Variants in VAV2 observed in about 807,000 individuals in gnomAD.
VAV2 encodes the protein vav guanine nucleotide exchange factor 2, also known as guanine nucleotide exchange factor VAV2.
Under a neutral mutation model 132.5 loss-of-function variants are expected in VAV2, and 67 were observed. The ratio of observed to expected loss-of-function variants is 0.51; its 90% CI spans 0.42 to 0.62. The LOEUF (loss-of-function observed/expected upper bound fraction) is 0.62, where lower values mean the gene tolerates loss of function less well. VAV2 is among the 20% of genes least tolerant of loss of function. The pLI is 0.00. For synonymous variants in VAV2, 492 were observed against 443.5 expected, an observed-to-expected ratio of 1.11 and a Z score of -1.37; for missense variants, 938 against 1,153.6, an observed-to-expected ratio of 0.81 and a Z score of 2.71.
At chr9:133,979,465 G>A (rs926877313) in intron 1 of VAV2, among the ~76,000 whole-genome samples, 14 of 152,190 alleles carry the variant, frequency 9.2e-5, no homozygotes, top group Non-Finnish European at 2.1e-4. Context: ...GGCTGCATGA[G>A]GACGGCTCGG....
At chr9:133,896,397 T>C (rs1839206047) in intron 2 of VAV2, among the ~76,000 whole-genome samples, 1 of 152,058 alleles carries the variant, frequency 6.6e-6, no homozygotes, top group African/African-American at 2.4e-5. Flanking sequence ...GAGGTTGCAA[T>C]GAGCCAAGAT....
chr9:133,886,015 C>G (rs1270017492), intron 2 of VAV2, among the ~76,000 whole-genome samples: 1 of 152,236 alleles, frequency 6.6e-6, no homozygotes, highest in African/African-American at 2.4e-5. Context: ...GGAGACTGGT[C>G]TGGTCCCATC....
rs955471061 is a variant in VAV2 at position 133,834,142 on chromosome 9, C to G, written c.449+130G>C. On this transcript the variant is annotated intron_variant, in intron 4 of 29. Coordinates refer to ENST00000371850, the MANE Select transcript of VAV2 (RefSeq NM_001134398.2). This position sits in a 1 kb window ranked among gnomAD's most constrained non-coding sequence, Gnocchi z 5.9. ...CATGACCCATCATGAGGAGATGCCC[C>G]GGTGGGAAGGGCCAGGGCCAGCTCT... is the stretch of plus-strand genomic sequence containing the variant. 2 of 1,026,508 alleles carry G rather than the reference C, an allele frequency of 1.9e-6. No homozygotes were observed. Among genetic ancestry groups the G allele is most frequent in the Non-Finnish European group, 2.9e-6 (2 of 699,868 alleles). 63.6% of individuals were successfully genotyped at this position (1,026,508 alleles called of 1,614,324 possible).
intron 3 of VAV2, among the ~76,000 whole-genome samples, chr9:133,860,748 C>T (rs1289850979): frequency 6.6e-6 from 1 of 152,186 alleles, no homozygotes; most frequent in African/African-American, 2.4e-5. Context: ...GTCTCCCTGA[C>T]CTCAATCTGT....
At chr9:133,949,075 T>C (rs113046384) in intron 1 of VAV2, among the ~76,000 whole-genome samples, 1,594 of 152,242 alleles carry the variant, frequency 0.01, 27 homozygotes, top group African/African-American at 0.037. Flanking sequence ...CCAGCACTCC[T>C]GGGGAGAAAC....
chr9:133,879,482 A>G lies in VAV2; in HGVS notation c.322-18050T>C, dbSNP rs1315895838. 6.6e-6 allele frequency among the ~76,000 whole-genome samples: 1 copy of G among 152,078 alleles called. No homozygotes were observed. Among genetic ancestry groups the G allele is most frequent in the Non-Finnish European group, 1.5e-5 (1 of 68,016 alleles). On this transcript the variant is annotated intron_variant, in intron 2 of 29. Coordinates refer to ENST00000371850, the MANE Select transcript of VAV2 (RefSeq NM_001134398.2). This position sits in a 1 kb window ranked among gnomAD's most constrained non-coding sequence, Gnocchi z 4.4. ...TGCAGGATGGACAAGTGTGTGTCAG[A>G]GGCTCACCATAAATGTGGGCAAGCC...
intron 2 of VAV2, among the ~76,000 whole-genome samples, chr9:133,916,066 A>G (rs1840078963): frequency 6.6e-6 from 1 of 152,226 alleles, no homozygotes; most frequent in South Asian, 2.1e-4. Context: ...GCACATGCAC[A>G]CAAGATACAC....
intron 13 of VAV2, among the ~76,000 whole-genome samples, chr9:133,791,216 G>A (rs1435231926): frequency 3.3e-5 from 5 of 152,180 alleles, no homozygotes; most frequent in Non-Finnish European, 2.9e-5. Flanking sequence ...CAGGCAGGAC[G>A]AGGTGACTGA....
Position 133,826,400 on chromosome 9 carries a change from G to A in VAV2, c.449+7872C>T, listed in dbSNP as rs1835989243. 6.6e-6 allele frequency among the ~76,000 whole-genome samples: 1 copy of A among 152,210 alleles called. No individual in the cohort carries two copies. Among genetic ancestry groups the A allele is most frequent in the Non-Finnish European group, 1.5e-5 (1 of 68,028 alleles). On this transcript the variant is annotated intron_variant, in intron 4 of 29. Coordinates refer to ENST00000371850, the MANE Select transcript of VAV2 (RefSeq NM_001134398.2). This position sits in a 1 kb window ranked among gnomAD's most constrained non-coding sequence, Gnocchi z 4.2. ...CAGCTCTCCCTTCAAGGATGCTCCT[G>A]CTCAGATGCTCTCTGGGGAGAAGCC...
intron 1 of VAV2, among the ~76,000 whole-genome samples, chr9:133,988,184 G>A (rs547245908): frequency 7.9e-5 from 12 of 152,224 alleles, no homozygotes; most frequent in East Asian, 1.9e-4. Flanking sequence ...CGCCGTGTGC[G>A]CTCGAGGGGC....
At position 133,847,489 on chromosome 9, in the gene VAV2, G is replaced by A. The variant is rs143390914; in HGVS notation, c.381-13149C>T. Among the ~76,000 whole-genome samples the A allele has an allele frequency of 3.2e-3, 488 of 152,288 alleles. 1 individual carries two copies. Among genetic ancestry groups the A allele is most frequent in the African/African-American group, 0.011 (458 of 41,558 alleles). On this transcript the variant is annotated intron_variant, in intron 3 of 29. Transcript: ENST00000371850. ...CCTGTCCCCAGGGTCAGCAGATGAC[G>A]CATGAGGCTGGTTTTCTCAGCTGTC...
intron 4 of VAV2, among the ~76,000 whole-genome samples, chr9:133,820,894 A>G (rs1327294245): frequency 6.6e-6 from 1 of 152,206 alleles, no homozygotes; most frequent in Non-Finnish European, 1.5e-5. Flanking sequence ...CGTTCTCACT[A>G]GACATGAGCT....
At chr9:133,822,630 T>C (rs1450063403) in intron 4 of VAV2, among the ~76,000 whole-genome samples, 1 of 151,660 alleles carries the variant, frequency 6.6e-6, no homozygotes, top group Non-Finnish European at 1.5e-5. Flanking sequence ...GGCATGAGAG[T>C]CACCCAGCTC....
chr9:133,958,310 C>T (rs530740059), intron 1 of VAV2, among the ~76,000 whole-genome samples: 7 of 143,992 alleles, frequency 4.9e-5, no homozygotes, highest in Non-Finnish European at 9.3e-5. Flanking sequence ...CGGTATAAAA[C>T]CGGATTGTAC....
chr9:133,824,413 C>G lies in VAV2; in HGVS notation c.449+9859G>C. Among the ~76,000 whole-genome samples, 1 of 149,862 alleles carries G rather than the reference C, an allele frequency of 6.7e-6. No individual in the cohort carries two copies. Among genetic ancestry groups the G allele is most frequent in the East Asian group, 1.9e-4 (1 of 5,178 alleles). ...CCCCAGCCCAAAACGGCCCTCAGTTCCCGAGAACAGACATAGAAGAGACCC... is the reference window on the plus strand; with the variant it reads ...CCCCAGCCCAAAACGGCCCTCAGTTGCCGAGAACAGACATAGAAGAGACCC... On this transcript the variant is annotated intron_variant, in intron 4 of 29. Coordinates refer to ENST00000371850, the MANE Select transcript of VAV2 (RefSeq NM_001134398.2). The surrounding 1 kb of genome is among the most constrained non-coding windows in gnomAD (Gnocchi z 5.2).
At chr9:133,770,851 C>T (rs1157128738) in intron 26 of VAV2, among the ~76,000 whole-genome samples, 8 of 152,122 alleles carry the variant, frequency 5.3e-5, no homozygotes, top group Non-Finnish European at 1.5e-5. Context: ...GAGAGCCATG[C>T]GGCCATCAGC....
At chr9:133,882,933 G>A (rs1421930078) in intron 2 of VAV2, among the ~76,000 whole-genome samples, 2 of 152,124 alleles carry the variant, frequency 1.3e-5, no homozygotes, top group African/African-American at 2.4e-5. Context: ...CAAGAAGTCA[G>A]GGACGGTGTG....
intron 3 of VAV2, among the ~76,000 whole-genome samples, chr9:133,839,457 T>TG (rs1336432012): frequency 6.6e-6 from 1 of 151,628 alleles, no homozygotes; most frequent in African/African-American, 2.4e-5. Flanking sequence ...GGAAGTTTTT[T>TG]TTTTTTTTTT....
chr9:133,978,945 G>A (rs1380129519), intron 1 of VAV2, among the ~76,000 whole-genome samples: 1 of 152,252 alleles, frequency 6.6e-6, no homozygotes, highest in African/African-American at 2.4e-5. Context: ...TGAAGAAGGG[G>A]GCTCATCAGA....
Sources: allele counts gnomAD v4.1 joint callset (sites outside exome capture counted in the v4.1 genomes callset), GRCh38; gene constraint gnomAD v4.1.1; non-coding constraint Gnocchi (gnomAD v3.1); transcripts MANE v1.5; gene names NCBI Gene and HGNC (gene_info 2026-07-23, HGNC 2026-07-21).